The following IL20RB variants were observed in gnomAD, a reference collection of about 807,000 sequenced individuals.
IL20RB encodes interleukin-20 receptor subunit beta.
In IL20RB, 21 loss-of-function variants were observed where a neutral mutation model predicts 33.3. The ratio of observed to expected loss-of-function variants is 0.63; its 90% CI spans 0.45 to 0.91. IL20RB has a LOEUF of 0.91. IL20RB is among the 40% of genes least tolerant of loss of function. The probability of loss-of-function intolerance (pLI) is 0.00; values close to 1 mark genes in which losing one functional copy is unlikely to be tolerated. For missense variants in IL20RB, 345 were observed against 384.8 expected (o/e 0.90, Z 0.86); for synonymous variants, 147 against 146.8 (o/e 1.00, Z -0.01).
At chr3:136,970,643 C>CTTCCTTCCTTCT (rs1941453528) in intron 1 of IL20RB, among the ~76,000 whole-genome samples, 1 of 135,748 alleles carries the variant, frequency 7.4e-6, no homozygotes, top group Non-Finnish European at 1.5e-5. Context: ...TCCTTCCTTC[C>CTTCCTTCCTTCT]TTCCTTCCTT....
intron 3 of IL20RB, among the ~76,000 whole-genome samples, chr3:136,986,989 C>T (rs1382169020): frequency 6.6e-6 from 1 of 151,990 alleles, no homozygotes; most frequent in Non-Finnish European, 1.5e-5. Context: ...GTCTCGCTGG[C>T]TTCAGGAGTG....
intron 2 of IL20RB, among the ~76,000 whole-genome samples, chr3:136,981,316 C>T (rs910680071): frequency 1.1e-5 from 1 of 92,232 alleles, no homozygotes; most frequent in Non-Finnish European, 2.4e-5. Context: ...TGTTTCCTGC[C>T]ACACTAGTCA....
intron 1 of IL20RB, among the ~76,000 whole-genome samples, chr3:136,964,614 G>A (rs1194246025): frequency 2.4e-5 from 2 of 84,988 alleles, no homozygotes; most frequent in African/African-American, 5.2e-5. Flanking sequence ...AGATGAGTAG[G>A]TTGCGAAAAT....
At chr3:136,981,678 A>G (rs1321267713) in intron 2 of IL20RB, among the ~76,000 whole-genome samples, 1 of 152,260 alleles carries the variant, frequency 6.6e-6, no homozygotes, top group Non-Finnish European at 1.5e-5. Context: ...TTTTGGAGAA[A>G]TGACCAATGT....
intron 1 of IL20RB, among the ~76,000 whole-genome samples, chr3:136,962,471 C>T (rs930402896): frequency 2.0e-5 from 3 of 151,932 alleles, no homozygotes; most frequent in Non-Finnish European, 4.4e-5. Context: ...ATGTCAAGGT[C>T]GGCCAGGCGT....
At chr3:136,974,757 A>G (rs1941575206) in intron 1 of IL20RB, among the ~76,000 whole-genome samples, 1 of 152,234 alleles carries the variant, frequency 6.6e-6, no homozygotes, top group Admixed American at 6.5e-5. Flanking sequence ...CTGATAATAC[A>G]TAAATTCAAT....
chr3:136,992,098 G>C lies in IL20RB; in HGVS notation c.682+10G>C, dbSNP rs1308879538. On this transcript the variant is annotated intron_variant, in intron 5 of 6. Transcript: ENST00000329582. ...TGTGTGGAGGTGCAAGGTAAGGATGGCTTCTCTGTCCCTGGAGCCCTGCAC... is the reference window on the plus strand; with the variant it reads ...TGTGTGGAGGTGCAAGGTAAGGATGCCTTCTCTGTCCCTGGAGCCCTGCAC... 1 of 1,613,682 alleles carries C rather than the reference G, an allele frequency of 6.2e-7. No individual in the cohort carries two copies. Among genetic ancestry groups the C allele is most frequent in the Non-Finnish European group, 8.5e-7 (1 of 1,179,828 alleles).
chr3:137,007,531 A>C (rs1016496762), intron 6 of IL20RB, among the ~76,000 whole-genome samples: 2 of 152,200 alleles, frequency 1.3e-5, no homozygotes, highest in African/African-American at 4.8e-5. Flanking sequence ...GCCACCTCGC[A>C]GATTGATCTC....
intron 1 of IL20RB, among the ~76,000 whole-genome samples, chr3:136,962,517 GC>G (rs1187288015): frequency 3.2e-4 from 48 of 152,178 alleles, no homozygotes; most frequent in African/African-American, 1.1e-3. Flanking sequence ...ACTTTGGGAG[GC>G]CAGGGCAGGT....
At chr3:136,973,796 C>A (rs1268009460) in intron 1 of IL20RB, among the ~76,000 whole-genome samples, 2 of 151,924 alleles carry the variant, frequency 1.3e-5, no homozygotes, top group African/African-American at 4.8e-5. Context: ...CTGCATTGAT[C>A]CATTTATCAC....
At chr3:137,007,201 A>G (rs185270587) in intron 6 of IL20RB, among the ~76,000 whole-genome samples, 152 of 151,976 alleles carry the variant, frequency 1.0e-3, no homozygotes, top group Admixed American at 1.8e-3. Flanking sequence ...GGTGTCTGTC[A>G]GCCCCTACTG....
At chr3:136,971,766 T>C (rs1008091360) in intron 1 of IL20RB, among the ~76,000 whole-genome samples, 2 of 152,236 alleles carry the variant, frequency 1.3e-5, no homozygotes, top group Non-Finnish European at 2.9e-5. Context: ...TTTCATATCT[T>C]TGCTATTGTG....
In IL20RB at chr3:136,958,072, T is replaced by A; in HGVS notation, c.-42T>A. Reference sequence around the variant, plus strand: ...GGCTGAGATGGACAGAATGCTTTATTTTGGAAAGAAACAATGTTCTAGGTC... The same window carrying A: ...GGCTGAGATGGACAGAATGCTTTATATTGGAAAGAAACAATGTTCTAGGTC... On this transcript the variant is annotated 5_prime_UTR_variant, in exon 1 of 7. Transcript: ENST00000329582. 8.3e-7 allele frequency: 1 copy of A among 1,203,988 alleles called. No homozygotes were observed. Among genetic ancestry groups the A allele is most frequent in the Non-Finnish European group, 1.2e-6 (1 of 810,162 alleles). 74.6% of individuals were successfully genotyped at this position (1,203,988 alleles called of 1,614,324 possible).
rs1233763742 is a variant in IL20RB at position 137,010,946 on chromosome 3, A to AGGTG, written c.*724_*727dup. ...ACAGTGTGTGCACACTGCAGACAGCAGGTGAAATGTATGTGTGCAATGCGA... is the reference window on the plus strand; with the variant it reads ...ACAGTGTGTGCACACTGCAGACAGCAGGTGGGTGAAATGTATGTGTGCAATGCGA... On this transcript the variant is annotated 3_prime_UTR_variant, in exon 7 of 7. Transcript: ENST00000329582. 1 of 152,272 alleles carries AGGTG rather than the reference A, an allele frequency of 6.6e-6. No individual in the cohort carries two copies. Among genetic ancestry groups the AGGTG allele is most frequent in the African/African-American group, 2.4e-5 (1 of 41,470 alleles). The allele number at this position is 152,272 out of a possible 1,614,324, so 9.4% of individuals were successfully genotyped here.
At chr3:136,993,167 A>G (rs1942064791) in intron 5 of IL20RB, among the ~76,000 whole-genome samples, 1 of 152,154 alleles carries the variant, frequency 6.6e-6, no homozygotes, top group Admixed American at 6.5e-5. Context: ...GTTCAACACC[A>G]GCCTGGGCAA....
chr3:137,006,964 C>A (rs551909588), intron 6 of IL20RB, among the ~76,000 whole-genome samples: 1 of 152,214 alleles, frequency 6.6e-6, no homozygotes, highest in East Asian at 1.9e-4. Context: ...GTGTAGATGA[C>A]CTTTTTGTTG....
intron 3 of IL20RB, 143 bp from the exon 4 acceptor site, chr3:136,989,298 T>C (rs1941982731): frequency 2.3e-6 from 2 of 876,552 alleles, no homozygotes; most frequent in Non-Finnish European, 3.6e-6. Context: ...TGTGTACATG[T>C]TTCCATGAGC....
intron 6 of IL20RB, among the ~76,000 whole-genome samples, chr3:137,009,686 T>G (rs2107728531): frequency 6.6e-6 from 1 of 152,202 alleles, no homozygotes; most frequent in South Asian, 2.1e-4. Flanking sequence ...ACCACAGACA[T>G]GTGCCACCAT....
chr3:136,982,699 C>A (rs1941807285), intron 3 of IL20RB, among the ~76,000 whole-genome samples: 1 of 152,158 alleles, frequency 6.6e-6, no homozygotes, highest in Non-Finnish European at 1.5e-5. Flanking sequence ...ATAAATTGTG[C>A]CTCCCACTTG....
Sources: allele counts gnomAD v4.1 joint callset (sites outside exome capture counted in the v4.1 genomes callset), GRCh38; gene constraint gnomAD v4.1.1; transcripts MANE v1.5; gene names NCBI Gene and HGNC (gene_info 2026-07-23, HGNC 2026-07-21).